Variants in ASTN2 observed in about 807,000 individuals in gnomAD.
ASTN2 encodes the protein astrotactin 2.
A neutral mutation model predicts 139.8 loss-of-function variants in ASTN2; 54 were observed. The ratio of observed to expected loss-of-function variants is 0.39; its 90% CI spans 0.31 to 0.48. The LOEUF (loss-of-function observed/expected upper bound fraction) is 0.48, where lower values mean the gene tolerates loss of function less well. Among genes scored for constraint, ASTN2 ranks in the 20% least tolerant of loss-of-function variants. ASTN2 has a pLI of 0.95. For synonymous variants in ASTN2, 756 were observed against 719.5 expected, an observed-to-expected ratio of 1.05 and a Z score of -0.81; for missense variants, 1,565 against 1,725.1, an observed-to-expected ratio of 0.91 and a Z score of 1.64.
chr9:117,035,418 C>G (rs7032219), intron 6 of ASTN2, among the ~76,000 whole-genome samples: 115,837 of 152,078 alleles, frequency 0.76, 44,381 homozygotes, highest in East Asian at 0.85. Context: ...TCAATGCTAA[C>G]GGATGACATG....
chr9:117,211,026 A>G (rs1832108505), intron 3 of ASTN2, among the ~76,000 whole-genome samples: 1 of 151,910 alleles, frequency 6.6e-6, no homozygotes, highest in Admixed American at 6.6e-5. Flanking sequence ...TCCTCGTGAT[A>G]AAAACTCTTA....
At chr9:117,226,725 G>C (rs1832725125) in intron 2 of ASTN2, among the ~76,000 whole-genome samples, 2 of 152,196 alleles carry the variant, frequency 1.3e-5, no homozygotes, top group Admixed American at 6.5e-5. Context: ...AGGCTGAAAA[G>C]TCAGTGACAG....
At chr9:117,077,084 G>T (rs1273675720) in intron 5 of ASTN2, among the ~76,000 whole-genome samples, 8 of 152,126 alleles carry the variant, frequency 5.3e-5, no homozygotes, top group Non-Finnish European at 8.8e-5. Context: ...TTGTTACCAG[G>T]CAGCCCAGCA....
intron 10 of ASTN2, among the ~76,000 whole-genome samples, chr9:116,884,555 C>A (rs570355953): frequency 6.6e-6 from 1 of 152,124 alleles, no homozygotes; most frequent in Non-Finnish European, 1.5e-5. Context: ...TCTTTGAATA[C>A]CAGAGGAATC....
At chr9:116,671,918 T>C (rs1429406148) in intron 16 of ASTN2, among the ~76,000 whole-genome samples, 1 of 152,108 alleles carries the variant, frequency 6.6e-6, no homozygotes, top group Non-Finnish European at 1.5e-5. Context: ...TGTAAGACAC[T>C]GTGAAGCAGA....
At chr9:116,840,710 C>T (rs1300968281) in intron 11 of ASTN2, among the ~76,000 whole-genome samples, 4 of 131,316 alleles carry the variant, frequency 3.0e-5, no homozygotes, top group East Asian at 4.5e-4. Flanking sequence ...ACGGGGCGTC[C>T]GGGCAGAGAC....
intron 1 of ASTN2, among the ~76,000 whole-genome samples, chr9:117,309,743 G>T (rs1827914882): frequency 6.6e-6 from 1 of 152,084 alleles, no homozygotes; most frequent in Non-Finnish European, 1.5e-5. Flanking sequence ...AATTCACTCT[G>T]AACAGCCCTG....
chr9:117,294,311 C>T (rs1324133320), intron 1 of ASTN2, among the ~76,000 whole-genome samples: 3 of 152,138 alleles, frequency 2.0e-5, no homozygotes, highest in Non-Finnish European at 2.9e-5. Flanking sequence ...AGACAGTAAA[C>T]GTTAAATGAT....
chr9:116,936,589 A>G (rs1835090624), intron 10 of ASTN2, among the ~76,000 whole-genome samples: 1 of 152,200 alleles, frequency 6.6e-6, no homozygotes, highest in Non-Finnish European at 1.5e-5. Flanking sequence ...TGAAACTGCA[A>G]AAAGCACCCA....
chr9:116,855,163 G>A (rs1832707670), intron 11 of ASTN2, among the ~76,000 whole-genome samples: 1 of 152,070 alleles, frequency 6.6e-6, no homozygotes, highest in African/African-American at 2.4e-5. Context: ...AATGTCATGA[G>A]AAGAAAAAAA....
intron 1 of ASTN2, among the ~76,000 whole-genome samples, chr9:117,389,933 G>A (rs760735977): frequency 6.6e-5 from 10 of 152,032 alleles, no homozygotes; most frequent in Non-Finnish European, 1.2e-4. Context: ...TAATTAGGAT[G>A]GAATGGCCAG....
chr9:116,647,236 C>T (rs1857637247), intron 17 of ASTN2, among the ~76,000 whole-genome samples: 1 of 152,180 alleles, frequency 6.6e-6, no homozygotes, highest in South Asian at 2.1e-4. Flanking sequence ...TATCTGTCTT[C>T]TCCATAAGTC....
chr9:117,387,961 T>C (rs1830443566), intron 1 of ASTN2, among the ~76,000 whole-genome samples: 1 of 152,134 alleles, frequency 6.6e-6, no homozygotes, highest in Non-Finnish European at 1.5e-5. Flanking sequence ...AGCCTAGTGG[T>C]ATCTCACTGT....
chr9:116,911,479 C>T (rs1463247100), intron 10 of ASTN2, among the ~76,000 whole-genome samples: 1 of 152,016 alleles, frequency 6.6e-6, no homozygotes, highest in Admixed American at 6.6e-5. Context: ...GACTCTGGAA[C>T]AGAAAGAGGA....
chr9:116,579,661 A>G (rs1375236405), intron 19 of ASTN2, among the ~76,000 whole-genome samples: 1 of 152,160 alleles, frequency 6.6e-6, no homozygotes, highest in African/African-American at 2.4e-5. Context: ...TGGGAGAATC[A>G]CTTAAGCCCA....
intron 10 of ASTN2, among the ~76,000 whole-genome samples, chr9:116,902,768 T>A (rs190964956): frequency 1.1e-3 from 160 of 152,340 alleles, no homozygotes; most frequent in African/African-American, 3.6e-3. Context: ...TCAACAAAGC[T>A]GCCAGAGGAT....
chr9:117,252,068 G>T (rs1833554475), intron 2 of ASTN2, among the ~76,000 whole-genome samples: 1 of 152,190 alleles, frequency 6.6e-6, no homozygotes, highest in Non-Finnish European at 1.5e-5. Context: ...ATAGGTTGGA[G>T]AAGAGGTGTC....
At position 116,535,019 on chromosome 9, in the gene ASTN2, G is replaced by T. The variant is rs142339048; in HGVS notation, c.3356-47519C>A. ...CTAAGTCTCTTTGTAGGTCTCTAAG[G>T]ACTTGCTTTATGAATCTGGGTGCTC... is the stretch of plus-strand genomic sequence containing the variant. On this transcript the variant is annotated intron_variant, in intron 19 of 22. Transcript: ENST00000313400. 7.5e-3 allele frequency among the ~76,000 whole-genome samples: 1,136 copies of T among 152,250 alleles called. 17 individuals carry two copies. Among genetic ancestry groups the T allele is most frequent in the African/African-American group, 0.026 (1,089 of 41,538 alleles).
At chr9:116,836,375 G>T (rs904428651) in intron 11 of ASTN2, among the ~76,000 whole-genome samples, 1 of 152,112 alleles carries the variant, frequency 6.6e-6, no homozygotes, top group African/African-American at 2.4e-5. Context: ...CAGGGGATGG[G>T]GGTGCTCACT....
Sources: allele counts gnomAD v4.1 joint callset (sites outside exome capture counted in the v4.1 genomes callset), GRCh38; gene constraint gnomAD v4.1.1; transcripts MANE v1.5; gene names NCBI Gene and HGNC (gene_info 2026-07-23, HGNC 2026-07-21).